The following PDE1A variants were observed in gnomAD, a reference collection of about 807,000 sequenced individuals.
PDE1A encodes the protein phosphodiesterase 1A, also known as dual specificity calcium/calmodulin-dependent 3',5'-cyclic nucleotide phosphodiesterase 1A.
In PDE1A, 35 loss-of-function variants were observed where a neutral mutation model predicts 61.7. That is an observed-to-expected ratio of 0.57 (90% confidence interval 0.43 to 0.75). The LOEUF (loss-of-function observed/expected upper bound fraction) is 0.75. Ranked by LOEUF, PDE1A falls within the 30% of genes least tolerant of loss-of-function variation. PDE1A has a pLI of 0.00. For synonymous variants in PDE1A, 232 were observed against 213.2 expected (o/e 1.09, Z -0.77); for missense variants, 597 against 630.6 (o/e 0.95, Z 0.57).
At chr2:182,621,265 GA>G in the PDE1A span, among the ~76,000 whole-genome samples, 1 of 152,182 alleles carries the variant, frequency 6.6e-6, no homozygotes, top group Non-Finnish European at 1.5e-5. Flanking sequence ...CTGTGACTCA[GA>G]AACCTTCATA....
chr2:182,643,885 TA>T, the PDE1A span, among the ~76,000 whole-genome samples: 1 of 152,132 alleles, frequency 6.6e-6, no homozygotes, highest in Non-Finnish European at 1.5e-5. Flanking sequence ...TTAAGCTGCT[TA>T]TGTGGATGGC....
rs1022042399 is a variant in PDE1A, at chr2:182,509,826, A to G, written c.101+12450T>C. 3.3e-5 allele frequency among the ~76,000 whole-genome samples: 5 copies of G among 152,338 alleles called. No homozygotes were observed. In the East Asian group the frequency reaches 5.8e-4, roughly 18 times the overall value. The stretch of plus-strand genomic sequence containing the variant: ...TTGCTCCAAATACAGCTTATTTTGA[A>G]CCAACTCTTAGAAAGTCCAGTTTTA... On this transcript the variant is annotated intron_variant, in intron 2 of 14. Transcript: ENST00000410103.
chr2:182,197,273 T>C (rs1383359491), intron 10 of PDE1A, among the ~76,000 whole-genome samples: 2 of 151,790 alleles, frequency 1.3e-5, no homozygotes, highest in African/African-American at 4.8e-5. Context: ...TTACTATTGA[T>C]TTGTTGGAGT....
chr2:182,499,867 G>A lies in PDE1A; in HGVS notation c.101+22409C>T, dbSNP rs191222516. Among the ~76,000 whole-genome samples, 9 of 152,280 alleles carry A rather than the reference G, an allele frequency of 5.9e-5. No individual in the cohort carries two copies. In the East Asian group the frequency reaches 7.7e-4, roughly 13 times the overall value. ...GGATGAGATCCAGGAAACAGCAAACGCAATTCATGAGAGTGCTGGAGGGAT... is the reference window on the plus strand; with the variant it reads ...GGATGAGATCCAGGAAACAGCAAACACAATTCATGAGAGTGCTGGAGGGAT... On this transcript the variant is annotated intron_variant, in intron 2 of 14. Coordinates refer to the PDE1A transcript ENST00000410103.
At chr2:182,606,241 C>A in the PDE1A span, among the ~76,000 whole-genome samples, 1 of 152,160 alleles carries the variant, frequency 6.6e-6, no homozygotes, top group African/African-American at 2.4e-5. Context: ...TGCAATGGCG[C>A]AATCTCAGCT....
At chr2:182,229,806 C>CT (rs1689431980) in intron 6 of PDE1A, among the ~76,000 whole-genome samples, 200 bp downstream of exon 6, 2 of 149,378 alleles carry the variant, frequency 1.3e-5, no homozygotes, top group African/African-American at 4.9e-5. Context: ...CTCTGGTTAT[C>CT]TTTTTTGCAC....
chr2:182,417,713 T>C (rs192550661), intron 1 of PDE1A, among the ~76,000 whole-genome samples: 54 of 152,318 alleles, frequency 3.5e-4, no homozygotes, highest in Middle Eastern at 3.4e-3. Context: ...TTTCCATTCC[T>C]AGTGTAAATT....
At chr2:182,324,655 C>T (rs1322693270) in intron 1 of PDE1A, among the ~76,000 whole-genome samples, 1 of 152,164 alleles carries the variant, frequency 6.6e-6, no homozygotes, top group East Asian at 1.9e-4. Flanking sequence ...AATCACTGTT[C>T]TGTGGGTACA....
chr2:182,281,001 G>A (rs981496126), intron 1 of PDE1A, among the ~76,000 whole-genome samples: 1 of 151,882 alleles, frequency 6.6e-6, no homozygotes, highest in Admixed American at 6.6e-5. Context: ...AAAAATTATA[G>A]AGATGTTTTT....
chr2:182,165,416 G>A (rs1691605070), downstream of PDE1A, among the ~76,000 whole-genome samples: 1 of 152,144 alleles, frequency 6.6e-6, no homozygotes, highest in Non-Finnish European at 1.5e-5. Context: ...TAAAAAGGGA[G>A]TTAGGGTGTT....
chr2:182,641,486 G>C, the PDE1A span, among the ~76,000 whole-genome samples: 1 of 152,128 alleles, frequency 6.6e-6, no homozygotes, highest in Non-Finnish European at 1.5e-5. Flanking sequence ...CAAGAAAGCA[G>C]TTATAAATTG....
At chr2:182,304,193 T>G (rs1172447468) in intron 1 of PDE1A, among the ~76,000 whole-genome samples, 1 of 152,188 alleles carries the variant, frequency 6.6e-6, no homozygotes, top group Non-Finnish European at 1.5e-5. Context: ...ATGGCTTCTT[T>G]TCTTAATCCT....
intron 13 of PDE1A, among the ~76,000 whole-genome samples, chr2:182,172,544 G>A (rs1692325723): frequency 6.6e-6 from 1 of 152,026 alleles, no homozygotes; most frequent in African/African-American, 2.4e-5. Flanking sequence ...TAAGGCATGT[G>A]TAGTTAAATG....
At chr2:182,529,881 G>A in the PDE1A span, among the ~76,000 whole-genome samples, 10 of 152,170 alleles carry the variant, frequency 6.6e-5, no homozygotes, top group Admixed American at 2.0e-4. Flanking sequence ...GGAACTGTGA[G>A]TCCATTAAAC....
At chr2:182,541,892 T>C in the PDE1A span, among the ~76,000 whole-genome samples, 1 of 152,174 alleles carries the variant, frequency 6.6e-6, no homozygotes, top group East Asian at 1.9e-4. Context: ...AAATTAACTA[T>C]TGTAAATGAA....
At chr2:182,202,892 T>G (rs1331682246) in intron 8 of PDE1A, among the ~76,000 whole-genome samples, 1 of 152,202 alleles carries the variant, frequency 6.6e-6, no homozygotes, top group Non-Finnish European at 1.5e-5. Flanking sequence ...GAAAACATAT[T>G]TCATTTTCAT....
the PDE1A span, among the ~76,000 whole-genome samples, chr2:182,699,143 G>T: frequency 6.6e-6 from 1 of 152,182 alleles, no homozygotes; most frequent in African/African-American, 2.4e-5. Context: ...GGTAAAAAGG[G>T]ATAGGTGGTA....
chr2:182,688,156 CAA>C, the PDE1A span, among the ~76,000 whole-genome samples: 1 of 152,134 alleles, frequency 6.6e-6, no homozygotes, highest in East Asian at 1.9e-4. Flanking sequence ...GGCCAACATT[CAA>C]ATTCAGGAAA....
At chr2:182,416,424 T>C (rs1006510650) in intron 1 of PDE1A, among the ~76,000 whole-genome samples, 1 of 152,236 alleles carries the variant, frequency 6.6e-6, no homozygotes, top group Non-Finnish European at 1.5e-5. Flanking sequence ...GCTGTTTCAA[T>C]AATGTGACAT....
Sources: allele counts gnomAD v4.1 joint callset (sites outside exome capture counted in the v4.1 genomes callset), GRCh38; gene constraint gnomAD v4.1.1; transcripts MANE v1.5; gene names NCBI Gene and HGNC (gene_info 2026-07-23, HGNC 2026-07-21).